SYNE1: variants seen among roughly 807,000 people sequenced by gnomAD.
SYNE1 encodes the protein spectrin repeat containing nuclear envelope protein 1, also known as nesprin-1.
Under a neutral mutation model 1,111.0 loss-of-function variants are expected in SYNE1, and 616 were observed. The ratio of observed to expected loss-of-function variants is 0.55; its 90% CI spans 0.52 to 0.59. The LOEUF is 0.59. Among genes scored for constraint, SYNE1 ranks in the 20% least tolerant of loss-of-function variants. The pLI, the probability that SYNE1 is intolerant of heterozygous loss-of-function variation, is 0.00. For missense variants in SYNE1, 10,006 were observed against 10,417.0 expected, an observed-to-expected ratio of 0.96 and a Z score of 1.72; for synonymous variants, 3,855 against 3,825.8, an observed-to-expected ratio of 1.01 and a Z score of -0.28.
intron 3 of SYNE1, among the ~76,000 whole-genome samples, chr6:152,558,907 C>G (rs1325821542): frequency 6.6e-6 from 1 of 152,098 alleles, no homozygotes; most frequent in East Asian, 1.9e-4. Flanking sequence ...CAAGTGCACA[C>G]AGACAATTCT....
At chr6:152,319,113 G>A in intron 84 of SYNE1, 98 bp from the exon 85 acceptor site, 1 of 1,525,078 alleles carries the variant, frequency 6.6e-7, no homozygotes, top group Non-Finnish European at 8.9e-7. Flanking sequence ...CATTTTAACT[G>A]CTTTGGCATT....
intron 98 of SYNE1, 52 bp from the exon 99 acceptor site, chr6:152,269,338 A>G (rs2093009868): frequency 6.2e-7 from 1 of 1,612,574 alleles, no homozygotes; most frequent in African/African-American, 1.3e-5. Context: ...GAAAACCTTA[A>G]CCAAAGGGGA....
rs1554563052 is a variant in SYNE1, at chr6:152,369,613, T to C, written c.9509A>G (p.Asn3170Ser). 1.2e-6 allele frequency: 2 copies of C among 1,614,188 alleles called. No individual in the cohort carries two copies. The highest frequency in any genetic ancestry group is 1.7e-6 in the Non-Finnish European group (2 of 1,180,026). The stretch of plus-strand genomic sequence containing the variant: ...AAAGTCCTTCATTTGGATCTTTAGA[T>C]TCTGCAAGGTTTTAGATAGTGTCCA... ...NLHQKESALE[N>S]LKIQMKDFEV... The change falls in exon 60 of 146, where the codon AAT (asparagine) becomes AGT (serine). Residue 3170 changes from asparagine (N) to serine (S), a missense_variant and splice_region_variant. Around this residue, in one of 7 missense-constraint regions of SYNE1, gnomAD observed 4,955 missense variants for 5,017.2 expected, o/e 0.99. Transcript: ENST00000367255.
chr6:152,404,169 T>C (rs1380090745), intron 46 of SYNE1, 44 bp downstream of exon 46: 1 of 1,389,590 alleles, frequency 7.2e-7, no homozygotes, highest in Admixed American at 1.7e-5. Flanking sequence ...ATGGTAGTAA[T>C]TACAAAATGG....
intron 76 of SYNE1, chr6:152,336,120 C>T (rs2153987086): frequency 6.5e-6 from 1 of 152,736 alleles, no homozygotes; most frequent in East Asian, 1.9e-4. Flanking sequence ...TACAGTCCTA[C>T]AGTTTTAGCA....
chr6:152,457,091 G>T (rs1381654767), intron 22 of SYNE1, among the ~76,000 whole-genome samples: 2 of 152,072 alleles, frequency 1.3e-5, no homozygotes, highest in South Asian at 2.1e-4. Flanking sequence ...GTCTAAAAAT[G>T]AAAGATAATC....
chr6:152,601,058 C>T (rs2099594960), intron 3 of SYNE1, among the ~76,000 whole-genome samples: 1 of 152,110 alleles, frequency 6.6e-6, no homozygotes, highest in South Asian at 2.1e-4. Flanking sequence ...CCAAATCTAA[C>T]AAAACAGCAA....
intron 3 of SYNE1, among the ~76,000 whole-genome samples, chr6:152,601,659 C>T (rs1161149070): frequency 6.6e-6 from 1 of 152,174 alleles, no homozygotes; most frequent in Non-Finnish European, 1.5e-5. Flanking sequence ...GAAAACACGA[C>T]AAACCATCAT....
chr6:152,170,173 T>C (rs1430984483), intron 130 of SYNE1, among the ~76,000 whole-genome samples: 1 of 152,220 alleles, frequency 6.6e-6, no homozygotes, highest in Non-Finnish European at 1.5e-5. Flanking sequence ...GCATAATATA[T>C]GTATTCCAAT....
At chr6:152,238,692 C>T (rs2084801182) in intron 108 of SYNE1, among the ~76,000 whole-genome samples, 1 of 152,018 alleles carries the variant, frequency 6.6e-6, no homozygotes, top group Non-Finnish European at 1.5e-5. Flanking sequence ...ATCTCTAAAA[C>T]TTCCAAGGGA....
At chr6:152,130,129 C>T (rs1428379580) in intron 145 of SYNE1, among the ~76,000 whole-genome samples, 1 of 151,866 alleles carries the variant, frequency 6.6e-6, no homozygotes. Flanking sequence ...TTGCCAAGTG[C>T]CCGGAAAGTG....
In SYNE1 at chr6:152,176,603, T is replaced by C. The variant is rs769132211; in HGVS notation, c.23461-43A>G. The C allele has an allele frequency of 1.1e-5, 17 of 1,583,700 alleles. No homozygotes were observed. The Admixed American group carries it at 1.2e-4, about 11-fold the overall frequency. ...ATCACAGAGGTCAGAAAGCATATTCTTAATACATCCAGCCCAGCTCTACTA... is the reference window on the plus strand; with the variant it reads ...ATCACAGAGGTCAGAAAGCATATTCCTAATACATCCAGCCCAGCTCTACTA... On this transcript the variant is annotated intron_variant, in intron 129 of 145. Transcript: ENST00000367255.
intron 3 of SYNE1, among the ~76,000 whole-genome samples, chr6:152,552,587 A>G (rs2128147122): frequency 6.6e-6 from 1 of 152,268 alleles, no homozygotes; most frequent in Non-Finnish European, 1.5e-5. Flanking sequence ...TTAACAACAA[A>G]ACTCATAAAT....
intron 101 of SYNE1, among the ~76,000 whole-genome samples, chr6:152,261,204 C>A (rs1374967571): frequency 6.6e-6 from 1 of 152,194 alleles, no homozygotes; most frequent in Non-Finnish European, 1.5e-5. Flanking sequence ...GATAATACTG[C>A]TGACTTGGAA....
At chr6:152,369,194 C>T (rs1314192050) in intron 60 of SYNE1, 67 bp from the exon 61 acceptor site, 1 of 1,586,394 alleles carries the variant, frequency 6.3e-7, no homozygotes, top group Non-Finnish European at 8.5e-7. Context: ...AAGCTTTGGC[C>T]CAGAGAACAT....
intron 3 of SYNE1, among the ~76,000 whole-genome samples, chr6:152,570,167 T>TA (rs1595565155): frequency 1.3e-5 from 2 of 152,140 alleles, no homozygotes; most frequent in Non-Finnish European, 2.9e-5. Context: ...CACAGCAAAA[T>TA]AAAAAACACA....
At chr6:152,384,649 G>C (rs935808264) in intron 55 of SYNE1, among the ~76,000 whole-genome samples, 1 of 152,164 alleles carries the variant, frequency 6.6e-6, no homozygotes, top group Non-Finnish European at 1.5e-5. Flanking sequence ...GCCAAGGCAG[G>C]CTGATCACCT....
intron 117 of SYNE1, among the ~76,000 whole-genome samples, chr6:152,224,197 TG>T (rs1371423489): frequency 6.6e-6 from 1 of 152,162 alleles, no homozygotes; most frequent in Non-Finnish European, 1.5e-5. Context: ...GCAGTGACAA[TG>T]AATCAAGGAG....
rs966212634 is a variant in SYNE1 at position 152,211,360 on chromosome 6, C to G, written c.22589+134G>C. 3 of 714,030 alleles carry G rather than the reference C, an allele frequency of 4.2e-6. No homozygotes were observed. In the African/African-American group the frequency reaches 5.3e-5, roughly 13 times the overall value. 44.2% of individuals were successfully genotyped at this position (714,030 alleles called of 1,614,324 possible). A position where few individuals can be genotyped will look rare whatever the true frequency, so the allele number is the denominator to read the frequency against. On this transcript the variant is annotated intron_variant, in intron 124 of 145. Transcript: ENST00000367255. ...TTTCAGAGATTGAGACAAGTTTCTCCTCCAATTACTGAGGCCCCACTACAG... is the reference window on the plus strand; with the variant it reads ...TTTCAGAGATTGAGACAAGTTTCTCGTCCAATTACTGAGGCCCCACTACAG...
Sources: allele counts gnomAD v4.1 joint callset (sites outside exome capture counted in the v4.1 genomes callset), GRCh38; gene constraint gnomAD v4.1.1; regional missense constraint gnomAD v4.1.1; transcripts MANE v1.5; gene names NCBI Gene and HGNC (gene_info 2026-07-23, HGNC 2026-07-21).